RASSF8: variants seen among roughly 807,000 people sequenced by gnomAD.
RASSF8 encodes the protein Ras association domain family member 8.
RASSF8 carries 22 observed loss-of-function variants against 48.5 expected under a neutral mutation model. That is an observed-to-expected ratio of 0.45 (90% CI 0.32 to 0.65). The LOEUF (loss-of-function observed/expected upper bound fraction) is 0.65. Ranked by LOEUF, RASSF8 falls within the 30% of genes least tolerant of loss-of-function variation. RASSF8 has a pLI of 0.03. For missense variants in RASSF8, 418 were observed against 489.2 expected (o/e 0.85, Z 1.37); for synonymous variants, 127 against 171.5 (o/e 0.74, Z 2.03).
At chr12:25,964,419 A>G (rs1592209767) in intron 1 of RASSF8, among the ~76,000 whole-genome samples, 2 of 152,208 alleles carry the variant, frequency 1.3e-5, no homozygotes, top group South Asian at 2.1e-4. Context: ...TCTTTGTTTT[A>G]AAAAGAAATC....
intron 2 of RASSF8, among the ~76,000 whole-genome samples, chr12:26,015,224 C>T (rs1195348676): frequency 6.6e-6 from 1 of 151,316 alleles, no homozygotes; most frequent in Non-Finnish European, 1.5e-5. Context: ...AAAAAAAATC[C>T]ATATATGGTC....
chr12:25,960,794 A>G (rs1036821239), intron 1 of RASSF8, among the ~76,000 whole-genome samples: 2 of 152,136 alleles, frequency 1.3e-5, no homozygotes, highest in Non-Finnish European at 1.5e-5. Flanking sequence ...TTAGGGGTGC[A>G]TTAGAGGGCC....
At chr12:25,963,453 T>C (rs530021337) in intron 1 of RASSF8, among the ~76,000 whole-genome samples, 1 of 152,304 alleles carries the variant, frequency 6.6e-6, no homozygotes. Flanking sequence ...GAAGTACTTA[T>C]GTCTGTTATT....
In RASSF8 at chr12:26,071,695, G is replaced by A. The variant is rs1944003874; in HGVS notation, c.*2877G>A. On this transcript the variant is annotated 3_prime_UTR_variant, in exon 6 of 6. Coordinates refer to ENST00000689635, the MANE Select transcript of RASSF8 (RefSeq NM_001394098.1). ...TATGAGACTTCAGTTGGTATTAATAGGAGTTACCTATTTAATTCTCCCAGT... is the reference window on the plus strand; with the variant it reads ...TATGAGACTTCAGTTGGTATTAATAAGAGTTACCTATTTAATTCTCCCAGT... 1.0e-6 allele frequency: 1 copy of A among 982,772 alleles called. No homozygotes were observed. The highest frequency in any genetic ancestry group is 4.7e-5 in the South Asian group (1 of 21,218). The allele number at this position is 982,772 out of a possible 1,614,324, so 60.9% of individuals were successfully genotyped here.
Position 26,064,504 on chromosome 12 carries a change from C to G in RASSF8, c.110C>G (p.Thr37Ser). Residue 37 changes from threonine (T) to serine (S), a missense_variant, in exon 4 of 6, where the codon ACT (threonine) becomes AGT (serine). Coordinates refer to ENST00000689635, the MANE Select transcript of RASSF8 (RefSeq NM_001394098.1). ...VIALAQAIGR[T>S]GRYTLIEKWR... ...TCTTACCTTTTTTACATAGGTCGAA[C>G]TGGAAGGTACACCCTTATAGAGAAA... The G allele has an allele frequency of 6.5e-7, 1 of 1,544,792 alleles. No individual in the cohort carries two copies. Among genetic ancestry groups the G allele is most frequent in the Non-Finnish European group, 8.7e-7 (1 of 1,144,560 alleles).
chr12:25,972,982 G>T lies in RASSF8; in HGVS notation c.-203+13834G>T, dbSNP rs139777956. Among the ~76,000 whole-genome samples the T allele has an allele frequency of 5.5e-3, 834 of 152,172 alleles. 5 individuals carry two copies. Among genetic ancestry groups the T allele is most frequent in the Non-Finnish European group, 8.6e-3 (582 of 68,014 alleles). Reference sequence around the variant, plus strand: ...TGGTGTCTTGGTTTCTGGCACCCAAGGCTGTGTGATTCATTCATATTGCGT... The same window carrying T: ...TGGTGTCTTGGTTTCTGGCACCCAATGCTGTGTGATTCATTCATATTGCGT... On this transcript the variant is annotated intron_variant, in intron 1 of 5. Transcript: ENST00000689635.
At chr12:26,009,060 G>A (rs921095370) in intron 2 of RASSF8, among the ~76,000 whole-genome samples, 1 of 152,152 alleles carries the variant, frequency 6.6e-6, no homozygotes, top group African/African-American at 2.4e-5. Flanking sequence ...ATGGATTTCT[G>A]TAGCAGCATT....
At chr12:25,994,669 T>C (rs1401600979) in intron 1 of RASSF8, among the ~76,000 whole-genome samples, 1 of 152,340 alleles carries the variant, frequency 6.6e-6, no homozygotes, top group South Asian at 2.1e-4. Flanking sequence ...TTTCCAAATG[T>C]AAAGCTACTT....
intron 2 of RASSF8, among the ~76,000 whole-genome samples, chr12:26,030,897 T>C (rs1465294898): frequency 6.6e-6 from 1 of 152,182 alleles, no homozygotes; most frequent in Non-Finnish European, 1.5e-5. Context: ...TGAGCAGCCA[T>C]AGACAGTACG....
At position 25,997,728 on chromosome 12, in the gene RASSF8, C is replaced by T. The variant is rs148593050; in HGVS notation, c.-109+2598C>T. Among the ~76,000 whole-genome samples, 466 of 152,226 alleles carry T rather than the reference C, an allele frequency of 3.1e-3. 2 individuals are homozygous for T. The highest frequency in any genetic ancestry group is 5.2e-3 in the Non-Finnish European group (356 of 68,010). On this transcript the variant is annotated intron_variant, in intron 2 of 5. Coordinates refer to ENST00000689635, the MANE Select transcript of RASSF8 (RefSeq NM_001394098.1). ...GTTGTCATAGTAACCTGCATCAAGA[C>T]GCATACTTGGAATCCAGGCCTGAAG...
downstream of RASSF8, among the ~76,000 whole-genome samples, chr12:26,075,471 T>C (rs1422823992): frequency 1.3e-5 from 2 of 152,192 alleles, no homozygotes; most frequent in African/African-American, 4.8e-5. Flanking sequence ...TGCACCAAAT[T>C]TAGCCATCCA....
intron 2 of RASSF8, among the ~76,000 whole-genome samples, chr12:26,002,656 T>C (rs1942289563): frequency 6.6e-6 from 1 of 152,104 alleles, no homozygotes; most frequent in African/African-American, 2.4e-5. Context: ...ACACCTGTAA[T>C]TTCAGCTACT....
intron 2 of RASSF8, among the ~76,000 whole-genome samples, chr12:26,031,176 C>A (rs1206519673): frequency 6.6e-6 from 1 of 152,094 alleles, no homozygotes; most frequent in South Asian, 2.1e-4. Flanking sequence ...CTTGTAGACT[C>A]CCCCTGCCCC....
intron 1 of RASSF8, among the ~76,000 whole-genome samples, chr12:25,960,817 A>G (rs1385971927): frequency 6.6e-6 from 1 of 152,174 alleles, no homozygotes; most frequent in Non-Finnish European, 1.5e-5. Context: ...GAGAGGGAGC[A>G]AATCATGGGG....
intron 2 of RASSF8, among the ~76,000 whole-genome samples, chr12:26,050,436 C>T (rs949898490): frequency 2.0e-5 from 3 of 152,098 alleles, no homozygotes; most frequent in Non-Finnish European, 4.4e-5. Flanking sequence ...AGATAAGGTA[C>T]AATTTGAAAA....
chr12:25,990,719 A>G (rs1011732084), intron 1 of RASSF8, among the ~76,000 whole-genome samples: 1 of 152,252 alleles, frequency 6.6e-6, no homozygotes, highest in African/African-American at 2.4e-5. Context: ...ACCACCTTGA[A>G]TGTTCCCACT....
intron 2 of RASSF8, among the ~76,000 whole-genome samples, chr12:26,027,352 A>T (rs1445412819): frequency 6.6e-6 from 1 of 152,244 alleles, no homozygotes; most frequent in East Asian, 1.9e-4. Context: ...ATGATATCTC[A>T]GTAAAGCTGT....
chr12:25,969,743 G>A, intron 1 of RASSF8, among the ~76,000 whole-genome samples: 1 of 152,246 alleles, frequency 6.6e-6, no homozygotes, highest in African/African-American at 2.4e-5. Context: ...GGGTTCTCCA[G>A]TGGGGTGGTG....
intron 2 of RASSF8, among the ~76,000 whole-genome samples, chr12:26,032,455 G>A (rs1943049127): frequency 6.6e-6 from 1 of 152,144 alleles, no homozygotes; most frequent in African/African-American, 2.4e-5. Flanking sequence ...TCAAGTTCTA[G>A]GACTCTTGGG....
Sources: allele counts gnomAD v4.1 joint callset (sites outside exome capture counted in the v4.1 genomes callset), GRCh38; gene constraint gnomAD v4.1.1; transcripts MANE v1.5; gene names NCBI Gene and HGNC (gene_info 2026-07-23, HGNC 2026-07-21).